Variants in SYT1 observed in about 807,000 individuals in gnomAD.
The protein encoded by SYT1 is synaptotagmin 1, also known as synaptotagmin-1.
A neutral mutation model predicts 44.8 loss-of-function variants in SYT1; 8 were observed. The observed-to-expected ratio is 0.18, with a 90% CI of 0.10 to 0.32. SYT1 has a LOEUF of 0.32. SYT1 is among the 10% of genes least tolerant of loss of function. The probability of loss-of-function intolerance (pLI) is 1.00; values close to 1 mark genes in which losing one functional copy is unlikely to be tolerated. For missense variants in SYT1, 286 were observed against 509.3 expected (o/e 0.56, Z 4.22); for synonymous variants, 154 against 188.8 (o/e 0.82, Z 1.51).
intron 6 of SYT1, among the ~76,000 whole-genome samples, chr12:79,293,844 G>T (rs1461901288): frequency 2.0e-5 from 3 of 152,084 alleles, no homozygotes; most frequent in Non-Finnish European, 4.4e-5. Flanking sequence ...TACATTATTG[G>T]TTTACAGGTT....
intron 3 of SYT1, among the ~76,000 whole-genome samples, chr12:79,186,045 A>G (rs1872782842): frequency 6.6e-6 from 1 of 151,954 alleles, no homozygotes; most frequent in South Asian, 2.1e-4. Flanking sequence ...TTTTCCCCTG[A>G]CACCAAAGGA....
intron 1 of SYT1, among the ~76,000 whole-genome samples, chr12:78,947,287 T>A (rs962186501): frequency 6.6e-6 from 1 of 152,118 alleles, no homozygotes; most frequent in East Asian, 1.9e-4. Flanking sequence ...AATGAAGGTA[T>A]TTTTACATTG....
At chr12:78,954,625 T>G (rs1046046373) in intron 1 of SYT1, among the ~76,000 whole-genome samples, 1 of 152,082 alleles carries the variant, frequency 6.6e-6, no homozygotes, top group Non-Finnish European at 1.5e-5. Flanking sequence ...GCATATGATA[T>G]TTACCCTACA....
chr12:79,216,729 C>T (rs1441474075), intron 3 of SYT1, among the ~76,000 whole-genome samples: 1 of 151,962 alleles, frequency 6.6e-6, no homozygotes. Context: ...TAATTGAATA[C>T]ATTAATAAAA....
At chr12:78,959,776 G>C (rs1879408920) in intron 1 of SYT1, among the ~76,000 whole-genome samples, 1 of 152,164 alleles carries the variant, frequency 6.6e-6, no homozygotes. Context: ...GTAAGCCAGG[G>C]AGGAACTCGG....
At chr12:79,327,479 C>A (rs1022524399) in intron 8 of SYT1, among the ~76,000 whole-genome samples, 1 of 152,208 alleles carries the variant, frequency 6.6e-6, no homozygotes, top group Admixed American at 6.5e-5. Context: ...TACCCATGCC[C>A]TATTTCCTTC....
At chr12:79,002,651 T>C (rs1870818190) in intron 2 of SYT1, among the ~76,000 whole-genome samples, 1 of 152,048 alleles carries the variant, frequency 6.6e-6, no homozygotes, top group South Asian at 2.1e-4. Context: ...ATTTCATTTA[T>C]ATTCCAAGTC....
chr12:78,953,168 C>G (rs1257023605), intron 1 of SYT1, among the ~76,000 whole-genome samples: 1 of 151,962 alleles, frequency 6.6e-6, no homozygotes, highest in Non-Finnish European at 1.5e-5. Flanking sequence ...GAGTAAAAGA[C>G]AAGTTGTGTG....
chr12:79,257,756 G>A (rs1239735282), intron 4 of SYT1, among the ~76,000 whole-genome samples: 1 of 152,174 alleles, frequency 6.6e-6, no homozygotes, highest in African/African-American at 2.4e-5. Context: ...CAAAGTGCTG[G>A]GATTACAGGC....
chr12:79,239,864 ACT>A (rs1337872402), intron 4 of SYT1, among the ~76,000 whole-genome samples: 15 of 152,082 alleles, frequency 9.9e-5, no homozygotes, highest in Admixed American at 8.5e-4. Context: ...CCTAAAGATG[ACT>A]CTGCCATATG....
intron 1 of SYT1, among the ~76,000 whole-genome samples, chr12:78,939,908 GT>G (rs1227558078): frequency 6.6e-6 from 1 of 152,084 alleles, no homozygotes; most frequent in African/African-American, 2.4e-5. Flanking sequence ...CATTTTTAGT[GT>G]ATCCTGTCTT....
intron 3 of SYT1, among the ~76,000 whole-genome samples, chr12:79,088,738 C>CTGTGTGTGTGTGTGTG (rs571903732): frequency 7.3e-6 from 1 of 137,168 alleles, no homozygotes; most frequent in Non-Finnish European, 1.6e-5. Context: ...GGCTTTGGGC[C>CTGTGTGTGTGTGTGTG]TGTGTGTGTG....
intron 3 of SYT1, among the ~76,000 whole-genome samples, chr12:79,122,140 C>G (rs1868276028): frequency 6.6e-6 from 1 of 152,184 alleles, no homozygotes; most frequent in Non-Finnish European, 1.5e-5. Context: ...CTCATTTCTT[C>G]AAACTCTTCA....
chr12:79,019,289 T>G (rs1396470698), intron 2 of SYT1, among the ~76,000 whole-genome samples: 1 of 151,990 alleles, frequency 6.6e-6, no homozygotes, highest in Non-Finnish European at 1.5e-5. Context: ...ATGTCCTTCT[T>G]AAAATAACTT....
At chr12:79,268,940 A>G (rs1878272782) in intron 4 of SYT1, among the ~76,000 whole-genome samples, 1 of 152,170 alleles carries the variant, frequency 6.6e-6, no homozygotes, top group Non-Finnish European at 1.5e-5. Context: ...GGAAAGAGAA[A>G]GGATGAAAGA....
At chr12:79,026,668 TATATATATATATATA>T (rs1872551747) in intron 2 of SYT1, among the ~76,000 whole-genome samples, 1 of 6,510 alleles carries the variant, frequency 1.5e-4, no homozygotes, top group Non-Finnish European at 3.5e-4. Context: ...ATATATATTT[TATATATATATATATA>T]TATATATATA....
intron 3 of SYT1, among the ~76,000 whole-genome samples, chr12:79,179,099 T>C (rs1322575372): frequency 4.8e-4 from 61 of 128,052 alleles, no homozygotes; most frequent in African/African-American, 1.8e-3. Context: ...TATATAGATA[T>C]AGATATATAG....
chr12:79,317,398 T>C (rs375935435), intron 8 of SYT1, among the ~76,000 whole-genome samples: 25 of 152,288 alleles, frequency 1.6e-4, no homozygotes, highest in Admixed American at 4.6e-4. Flanking sequence ...TTTAAATGTC[T>C]CTCAAATCAT....
Position 79,253,623 on chromosome 12 carries a change from G to T in SYT1, c.167-32164G>T, listed in dbSNP as rs574966849. Among the ~76,000 whole-genome samples, 12 of 152,010 alleles carry T rather than the reference G, an allele frequency of 7.9e-5. No individual in the cohort carries two copies. The East Asian group carries it at 2.1e-3, about 27-fold the overall frequency. Reference sequence around the variant, plus strand: ...CCTCTAAGTGTTCAAGTGAAAGGAAGAGTCTTGTGTCTTTCACTTTAAATC... The same window carrying T: ...CCTCTAAGTGTTCAAGTGAAAGGAATAGTCTTGTGTCTTTCACTTTAAATC... On this transcript the variant is annotated intron_variant, in intron 4 of 10. Transcript: ENST00000261205.
Sources: gnomAD v4.1 joint callset for allele counts (sites outside exome capture counted in the v4.1 genomes callset) on GRCh38, gnomAD v4.1.1 for gene constraint, MANE v1.5 for transcripts, NCBI Gene and HGNC (gene_info 2026-07-23, HGNC 2026-07-21) for gene names.